The following IGSF10 variants were observed in gnomAD, a reference collection of about 807,000 sequenced individuals.
IGSF10 encodes immunoglobulin superfamily member 10.
Under a neutral mutation model 128.2 loss-of-function variants are expected in IGSF10, and 126 were observed. That is an observed-to-expected ratio of 0.98 (90% CI 0.85 to 1.14). The LOEUF (loss-of-function observed/expected upper bound fraction) is 1.14. Among genes scored for constraint, IGSF10 ranks in the 50% most tolerant of loss-of-function variants. IGSF10 has a pLI of 0.00. For missense variants in IGSF10, 3,295 were observed against 3,149.8 expected (o/e 1.05, Z -1.10); for synonymous variants, 1,185 against 1,146.2 (o/e 1.03, Z -0.68).
chr3:151,554,351 C>T, the IGSF10 span, among the ~76,000 whole-genome samples: 1 of 151,972 alleles, frequency 6.6e-6, no homozygotes, highest in South Asian at 2.1e-4. Flanking sequence ...AATAGCCCAT[C>T]TTAGATCAGC....
Position 151,444,797 on chromosome 3 carries a change from GTTTC to G in IGSF10, c.5062+118_5062+121del, listed in dbSNP as rs756768071. 6.2e-4 allele frequency: 534 copies of G among 865,826 alleles called. 1 individual carries two copies. Among genetic ancestry groups the G allele is most frequent in the Middle Eastern group, 3.1e-3 (9 of 2,934 alleles). The allele number at this position is 865,826 out of a possible 1,614,324, so 53.6% of individuals were successfully genotyped here. A position where few individuals can be genotyped will look rare whatever the true frequency, so the allele number is the denominator to read the frequency against. On this transcript the variant is annotated intron_variant, in intron 6 of 7. Coordinates refer to ENST00000282466, the MANE Select transcript of IGSF10 (RefSeq NM_178822.5). ...CCAGTGTCAAATGAGGATATTAATA[GTTTC>G]TTTGTCTTAGAAAAATTTGAAACTG...
the IGSF10 span, among the ~76,000 whole-genome samples, chr3:151,479,653 C>T: frequency 2.0e-5 from 3 of 152,168 alleles, no homozygotes; most frequent in Non-Finnish European, 4.4e-5. Context: ...ACAGACCTTT[C>T]CTTGTTAGGG....
At chr3:151,432,808 T>A, downstream of IGSF10, 1 of 1,611,552 alleles carries the variant, frequency 6.2e-7, no homozygotes, top group Non-Finnish European at 8.5e-7. Flanking sequence ...CTTCTGAATC[T>A]GCAAGAGGAG....
chr3:151,547,127 A>C, the IGSF10 span, among the ~76,000 whole-genome samples: 1 of 152,096 alleles, frequency 6.6e-6, no homozygotes, highest in East Asian at 1.9e-4. Context: ...AGGATTTTTC[A>C]GTTTTAGACA....
the IGSF10 span, among the ~76,000 whole-genome samples, chr3:151,606,029 A>G: frequency 6.6e-6 from 1 of 152,196 alleles, no homozygotes; most frequent in Non-Finnish European, 1.5e-5. Flanking sequence ...GGGAATCACT[A>G]TTCTATCTGA....
chr3:151,534,140 T>TA, the IGSF10 span, among the ~76,000 whole-genome samples: 69,482 of 151,978 alleles, frequency 0.46, 16,314 homozygotes, highest in South Asian at 0.55. Flanking sequence ...TGGCAATCAT[T>TA]AAAAAGTCAG....
chr3:151,516,739 A>T, the IGSF10 span, among the ~76,000 whole-genome samples: 1 of 152,064 alleles, frequency 6.6e-6, no homozygotes, highest in Non-Finnish European at 1.5e-5. Context: ...ACATTTGCTC[A>T]ATTAAACTAT....
Position 151,448,262 on chromosome 3 carries a change from GACCA to G in IGSF10, c.1715_1718del (p.Leu572SerfsTer53). On this transcript the variant is annotated frameshift_variant, in exon 6 of 8. Transcript: ENST00000282466. LOFTEE classifies it high-confidence loss of function. ...GAATCCCATTTTCCTGATAGGCTTC[GACCA>G]AAGGTTCTACCACAGTTATCCTATA... 6.2e-7 allele frequency: 1 copy of G among 1,614,148 alleles called. No individual in the cohort carries two copies. Among genetic ancestry groups the G allele is most frequent in the Non-Finnish European group, 8.5e-7 (1 of 1,180,016 alleles).
the IGSF10 span, among the ~76,000 whole-genome samples, chr3:151,540,549 G>T: frequency 6.6e-6 from 1 of 152,170 alleles, no homozygotes; most frequent in Non-Finnish European, 1.5e-5. Flanking sequence ...TTGATAGCCT[G>T]TGAGAAGTTG....
chr3:151,514,595 A>G, the IGSF10 span, among the ~76,000 whole-genome samples: 2 of 152,248 alleles, frequency 1.3e-5, no homozygotes, highest in South Asian at 2.1e-4. Context: ...AGCAATGGCA[A>G]CAAAAGCCAA....
At chr3:151,440,996 T>A (rs552473877) in intron 7 of IGSF10, among the ~76,000 whole-genome samples, 1 of 152,312 alleles carries the variant, frequency 6.6e-6, no homozygotes, top group South Asian at 2.1e-4. Context: ...ACATAAATAA[T>A]TAAGTTTGAA....
At chr3:151,584,612 G>GA in the IGSF10 span, among the ~76,000 whole-genome samples, 1 of 152,210 alleles carries the variant, frequency 6.6e-6, no homozygotes, top group Non-Finnish European at 1.5e-5. Context: ...AGAAGAAAGC[G>GA]AAGGAAGCAG....
the IGSF10 span, among the ~76,000 whole-genome samples, chr3:151,564,745 T>C: frequency 6.6e-6 from 1 of 152,300 alleles, no homozygotes; most frequent in East Asian, 1.9e-4. Flanking sequence ...CTGACTGAGC[T>C]TTAGCATGAG....
At chr3:151,465,410 G>A (rs1433215812), upstream of IGSF10, among the ~76,000 whole-genome samples, 1 of 152,198 alleles carries the variant, frequency 6.6e-6, no homozygotes, top group East Asian at 1.9e-4. Context: ...TACTCTGGTC[G>A]CTGTAAATGC....
the IGSF10 span, among the ~76,000 whole-genome samples, chr3:151,476,394 G>A: frequency 6.6e-6 from 1 of 151,886 alleles, no homozygotes; most frequent in Non-Finnish European, 1.5e-5. Flanking sequence ...AGGCCTAATA[G>A]GCCTCTGCCC....
intron 5 of IGSF10, among the ~76,000 whole-genome samples, chr3:151,450,437 T>G (rs1213566776): frequency 6.6e-6 from 1 of 152,126 alleles, no homozygotes; most frequent in Non-Finnish European, 1.5e-5. Context: ...CTCAAAGGCT[T>G]AAGAAACTCA....
the IGSF10 span, among the ~76,000 whole-genome samples, chr3:151,569,673 G>C: frequency 1.3e-5 from 2 of 152,198 alleles, no homozygotes; most frequent in Non-Finnish European, 2.9e-5. Flanking sequence ...CTAGATAATA[G>C]AAATATTAAA....
At position 151,447,668 on chromosome 3, in the gene IGSF10, C is replaced by T. The variant is rs1388619309; in HGVS notation, c.2313G>A (p.Lys771=). 2 of 1,614,140 alleles carry T rather than the reference C, an allele frequency of 1.2e-6. No homozygotes were observed. The highest frequency in any genetic ancestry group is 1.1e-5 in the South Asian group (1 of 91,080). The part of the protein sequence containing the change: ...EKAKKNAMPD[K]RENTTVSPPP... ...GTGGGCTCACTGTGGTATTTTCTCGCTTGTCTGGCATAGCATTCTTTTTAG... is the reference window on the plus strand; with the variant it reads ...GTGGGCTCACTGTGGTATTTTCTCGTTTGTCTGGCATAGCATTCTTTTTAG... Residue 771 remains lysine, a synonymous_variant, in exon 6 of 8, where the codon AAG becomes AAA. Transcript: ENST00000282466.
At chr3:151,434,853 AAATT>A (rs1476785862), downstream of IGSF10, 1 of 152,228 alleles carries the variant, frequency 6.6e-6, no homozygotes, top group African/African-American at 2.4e-5. Flanking sequence ...GAGGTGAGTT[AAATT>A]ATTAATCATT....
Sources: gnomAD v4.1 joint callset for allele counts (sites outside exome capture counted in the v4.1 genomes callset) on GRCh38, gnomAD v4.1.1 for gene constraint, MANE v1.5 for transcripts, NCBI Gene and HGNC (gene_info 2026-07-23, HGNC 2026-07-21) for gene names.